The following GSN variants were observed in gnomAD, a reference collection of about 807,000 sequenced individuals.
GSN encodes the protein gelsolin.
In GSN, 56 loss-of-function variants were observed where a neutral mutation model predicts 85.7. The observed-to-expected ratio is 0.65, with a 90% CI of 0.53 to 0.82. The LOEUF is 0.82. GSN is among the 40% of genes least tolerant of loss of function. GSN has a pLI of 0.00. For missense variants in GSN, 857 were observed against 979.8 expected (o/e 0.87, Z 1.67); for synonymous variants, 373 against 399.1 (o/e 0.93, Z 0.78).
intron 3 of GSN, 71 bp downstream of exon 3, chr9:121,302,238 C>A: frequency 6.6e-7 from 1 of 1,522,606 alleles, no homozygotes; most frequent in Non-Finnish European, 9.1e-7. Context: ...GGGCATGGTC[C>A]CCAGGGAGGG....
At chr9:121,207,489 C>T (rs1486624017), upstream of GSN, among the ~76,000 whole-genome samples, 1 of 152,172 alleles carries the variant, frequency 6.6e-6, no homozygotes, top group Non-Finnish European at 1.5e-5. Context: ...CTATCTCTAT[C>T]CTCCAAGCCT....
At chr9:121,291,297 C>A (rs570347717) in intron 2 of GSN, among the ~76,000 whole-genome samples, 31 of 152,090 alleles carry the variant, frequency 2.0e-4, no homozygotes, top group Admixed American at 3.3e-4. Flanking sequence ...TGTACTATGC[C>A]ATTTTATATA....
chr9:121,220,083 A>G (rs569079216), intron 4 of GSN, among the ~76,000 whole-genome samples: 1 of 152,096 alleles, frequency 6.6e-6, no homozygotes, highest in East Asian at 1.9e-4. Context: ...GGGTTTCTCC[A>G]TGTTGGTCAG....
chr9:121,292,364 T>C (rs1409067341), intron 2 of GSN, among the ~76,000 whole-genome samples: 1 of 152,196 alleles, frequency 6.6e-6, no homozygotes, highest in Non-Finnish European at 1.5e-5. Flanking sequence ...CCAGCCTTGT[T>C]TGGAACCCTC....
At chr9:121,264,502 AC>A (rs2055157806), upstream of GSN, among the ~76,000 whole-genome samples, 1 of 152,238 alleles carries the variant, frequency 6.6e-6, no homozygotes, top group Admixed American at 6.5e-5. Context: ...TAAGAAAACA[AC>A]ACTAAACACA....
At chr9:121,218,131 A>T (rs192326734) in intron 4 of GSN, among the ~76,000 whole-genome samples, 2 of 152,350 alleles carry the variant, frequency 1.3e-5, no homozygotes, top group Admixed American at 1.3e-4. Flanking sequence ...AAGGGTGGTC[A>T]TGGAGTATAG....
intron 4 of GSN, chr9:121,222,817 G>C (rs2054194069): frequency 6.6e-6 from 1 of 152,166 alleles, no homozygotes; most frequent in Non-Finnish European, 1.5e-5. Flanking sequence ...AGGAACCAAA[G>C]GAAGTAAAAA....
intron 1 of GSN, among the ~76,000 whole-genome samples, chr9:121,270,037 G>A (rs1014492271): frequency 5.9e-5 from 9 of 152,190 alleles, no homozygotes; most frequent in Admixed American, 5.9e-4. Flanking sequence ...CCTGCAAGAG[G>A]AGTGACTAAT....
intron 4 of GSN, among the ~76,000 whole-genome samples, chr9:121,307,057 C>T (rs1309094988): frequency 6.6e-6 from 1 of 151,934 alleles, no homozygotes; most frequent in Non-Finnish European, 1.5e-5. Flanking sequence ...GGCGGGTGCC[C>T]GTAATCTCAG....
chr9:121,319,951 A>T (rs1037367789), intron 10 of GSN, among the ~76,000 whole-genome samples: 1 of 152,050 alleles, frequency 6.6e-6, no homozygotes, highest in African/African-American at 2.4e-5. Flanking sequence ...ATTTTTATAT[A>T]TTATTGTTTT....
At chr9:121,272,149 A>G (rs2056070130) in intron 1 of GSN, among the ~76,000 whole-genome samples, 1 of 152,120 alleles carries the variant, frequency 6.6e-6, no homozygotes, top group Admixed American at 6.5e-5. Context: ...GTGGTTTGTG[A>G]AGTTGGAGAC....
At chr9:121,243,174 A>G (rs1197409707) in intron 5 of GSN, among the ~76,000 whole-genome samples, 2 of 152,268 alleles carry the variant, frequency 1.3e-5, no homozygotes, top group South Asian at 2.1e-4. Flanking sequence ...TCTGGCTTCT[A>G]GAGTTTCGTT....
intron 1 of GSN, among the ~76,000 whole-genome samples, chr9:121,275,318 A>C (rs2056533731): frequency 6.6e-6 from 1 of 152,190 alleles, no homozygotes; most frequent in South Asian, 2.1e-4. Context: ...TCAGCTATAC[A>C]GTTAGGGCTT....
intron 4 of GSN, among the ~76,000 whole-genome samples, chr9:121,220,753 A>G (rs1476920878): frequency 2.6e-5 from 4 of 152,224 alleles, no homozygotes; most frequent in Non-Finnish European, 5.9e-5. Context: ...AAAGTTCTCT[A>G]ATGCAATTCC....
At chr9:121,245,907 C>T (rs187071383) in intron 5 of GSN, among the ~76,000 whole-genome samples, 2 of 152,068 alleles carry the variant, frequency 1.3e-5, no homozygotes, top group Non-Finnish European at 2.9e-5. Flanking sequence ...TGTGTGCCAC[C>T]GTGCCCAGCT....
At chr9:121,238,121 T>G (rs989702030) in intron 5 of GSN, 1 of 152,346 alleles carries the variant, frequency 6.6e-6, no homozygotes, top group Non-Finnish European at 1.5e-5. Context: ...CAGCCAGTGC[T>G]TTGCAGAGTC....
At chr9:121,245,513 T>A (rs1277878669) in intron 5 of GSN, among the ~76,000 whole-genome samples, 2 of 152,174 alleles carry the variant, frequency 1.3e-5, no homozygotes, top group Admixed American at 6.5e-5. Flanking sequence ...TGCACCACCA[T>A]GCCCAGTTAA....
In GSN at chr9:121,312,237, C is replaced by T. The variant is rs951717855; in HGVS notation, c.514-102C>T. The T allele has an allele frequency of 3.2e-6, 4 of 1,258,374 alleles. No homozygotes were observed. The African/African-American group carries it at 4.4e-5, about 14-fold the overall frequency. The allele number at this position is 1,258,374 out of a possible 1,614,324, so 78.0% of individuals were successfully genotyped here. A position where few individuals can be genotyped will look rare whatever the true frequency, so the allele number is the denominator to read the frequency against. On this transcript the variant is annotated intron_variant, in intron 5 of 17. Transcript: ENST00000432226. ...AGCCTTCACCTGGGCAAGTGCAGAA[C>T]AGGGTGAGCCTGCACACCACACGCC...
At chr9:121,327,185 A>T (rs759425226) in intron 13 of GSN, 123 bp from the exon 14 acceptor site, 1 of 848,638 alleles carries the variant, frequency 1.2e-6, no homozygotes, top group South Asian at 1.3e-5. Context: ...CTCAGCTCTG[A>T]TGGGCTGTGT....
Sources: allele counts gnomAD v4.1 joint callset (sites outside exome capture counted in the v4.1 genomes callset), GRCh38; gene constraint gnomAD v4.1.1; transcripts MANE v1.5; gene names NCBI Gene and HGNC (gene_info 2026-07-23, HGNC 2026-07-21).